DLX5: variants seen among roughly 807,000 people sequenced by gnomAD.
DLX5 encodes the protein homeobox protein DLX-5.
DLX5 carries 8 observed loss-of-function variants against 27.1 expected under a neutral mutation model. That is an observed-to-expected ratio of 0.30 (90% CI 0.17 to 0.53). DLX5 has a LOEUF of 0.53. Ranked by LOEUF, DLX5 falls within the 20% of genes least tolerant of loss-of-function variation. The pLI is 0.95. For missense variants in DLX5, 339 were observed against 375.1 expected, an observed-to-expected ratio of 0.90 and a Z score of 0.80; for synonymous variants, 178 against 161.9, an observed-to-expected ratio of 1.10 and a Z score of -0.75.
intron 1 of DLX5, among the ~76,000 whole-genome samples, chr7:97,023,853 C>T (rs1349720328): frequency 5.6e-5 from 8 of 144,130 alleles, no homozygotes; most frequent in Non-Finnish European, 3.0e-5. Flanking sequence ...GTTTTTGAGG[C>T]AGCCTTCTAT....
intron 1 of DLX5, among the ~76,000 whole-genome samples, chr7:97,023,375 TC>T (rs1790118607): frequency 6.9e-6 from 1 of 145,580 alleles, no homozygotes; most frequent in Non-Finnish European, 1.5e-5. Context: ...TGTGTGTGTG[TC>T]AAGTTCCAGG....
Position 97,020,535 on chromosome 7 carries a change from T to C in DLX5, c.*201A>G, listed in dbSNP as rs950215549. The C allele has an allele frequency of 6.4e-6, 3 of 470,596 alleles. No individual in the cohort carries two copies. The highest frequency in any genetic ancestry group is 3.8e-5 in the Admixed American group (1 of 26,518). The allele number at this position is 470,596 out of a possible 1,614,324, so 29.2% of individuals were successfully genotyped here. The stretch of plus-strand genomic sequence containing the variant: ...ATAGATTTCAAGGCACCATTGAAAG[T>C]GTCCACAGTTGCGCAAAAAAAGTCC... On this transcript the variant is annotated 3_prime_UTR_variant, in exon 3 of 3. Transcript: ENST00000648378.
chr7:97,024,241 C>T lies in DLX5; in HGVS notation c.355+28G>A, dbSNP rs1373904924. 6.3e-7 allele frequency: 1 copy of T among 1,594,122 alleles called. No homozygotes were observed. Among genetic ancestry groups the T allele is most frequent in the Non-Finnish European group, 8.6e-7 (1 of 1,168,732 alleles). On this transcript the variant is annotated intron_variant, in intron 1 of 2. Coordinates refer to ENST00000648378, the MANE Select transcript of DLX5 (RefSeq NM_005221.6). The surrounding 1 kb of genome is among the most constrained non-coding windows in gnomAD (Gnocchi z 4.6). Reference sequence around the variant, plus strand: ...CCCCAGCGTCCTAGTCGCCCTGTATCTGCCCAGCCTTCCCCCTGTCCATGT... The same window carrying T: ...CCCCAGCGTCCTAGTCGCCCTGTATTTGCCCAGCCTTCCCCCTGTCCATGT...
intron 2 of DLX5, among the ~76,000 whole-genome samples, chr7:97,021,460 G>A (rs2115907044): frequency 6.6e-6 from 1 of 152,348 alleles, no homozygotes; most frequent in Admixed American, 6.5e-5. Context: ...GCGGGGAAGG[G>A]GCGTGGGGCG....
rs146762155 is a variant in DLX5 at position 97,020,999 on chromosome 7, G to C, written c.607C>G (p.Pro203Ala). The change falls in exon 3 of 3, where the codon CCG becomes GCG. Residue 203 changes from proline (P) to alanine (A), a missense_variant. Transcript: ENST00000648378. ...TCGCTGGAGCTGGGACTGTGCTCCG[G>C]GGGCATCTCCCCGTTTTTCATGATC... The part of the protein sequence containing the change: ...KKIMKNGEMP[P>A]EHSPSSSDPM... 4 of 1,613,692 alleles carry C rather than the reference G, an allele frequency of 2.5e-6. No individual in the cohort carries two copies. Among genetic ancestry groups the C allele is most frequent in the Non-Finnish European group, 2.5e-6 (3 of 1,179,974 alleles).
rs1790138437 is a variant in DLX5 at position 97,024,340 on chromosome 7, T to C, written c.284A>G (p.Tyr95Cys). ...GSYPAKAYAD[Y>C]SYASSYHQYG... ...CTGGTGGTAGGAGCTAGCGTAGCTA[T>C]AGTCGGCATAAGCTTTGGCTGGGTA... Residue 95 changes from tyrosine to cysteine, a missense_variant, in exon 1 of 3, where the codon TAT becomes TGT. Around this residue, in one of 3 missense-constraint regions of DLX5, gnomAD observed 188 missense variants for 206.1 expected, o/e 0.91. Transcript: ENST00000648378. The surrounding 1 kb of genome is among the most constrained non-coding windows in gnomAD (Gnocchi z 4.6). 1.2e-6 allele frequency: 2 copies of C among 1,614,086 alleles called. No individual in the cohort carries two copies. The highest frequency in any genetic ancestry group is 1.7e-6 in the Non-Finnish European group (2 of 1,180,056).
At position 97,024,740 on chromosome 7, in the gene DLX5, G is replaced by A; in HGVS notation, c.-117C>T. 1 of 891,326 alleles carries A rather than the reference G, an allele frequency of 1.1e-6. No homozygotes were observed. Among genetic ancestry groups the A allele is most frequent in the Non-Finnish European group, 1.7e-6 (1 of 589,296 alleles). 55.2% of individuals were successfully genotyped at this position (891,326 alleles called of 1,614,324 possible). ...TGGCTGTGGGAGCGAGGGAGGAGGA[G>A]GAAGAGGAGGAGGAGAGAAGGAGGA... is the stretch of plus-strand genomic sequence containing the variant. On this transcript the variant is annotated 5_prime_UTR_variant, in exon 1 of 3. Coordinates refer to ENST00000648378, the MANE Select transcript of DLX5 (RefSeq NM_005221.6). This position sits in a 1 kb window ranked among gnomAD's most constrained non-coding sequence, Gnocchi z 4.6.
rs371922223 is a variant in DLX5 at position 97,020,979 on chromosome 7, G to A, written c.627C>T (p.Ser209=). The A allele has an allele frequency of 5.6e-6, 9 of 1,613,872 alleles. No homozygotes were observed. Among genetic ancestry groups the A allele is most frequent in the Non-Finnish European group, 6.8e-6 (8 of 1,180,046 alleles). ...GCGAGTTACACGCCATTGGGTCGCT[G>A]GAGCTGGGACTGTGCTCCGGGGGCA... ...GEMPPEHSPS[S]SDPMACNSPQ... The change falls in exon 3 of 3, where the codon TCC becomes TCT. Residue 209 remains serine (S), a synonymous_variant. Coordinates refer to ENST00000648378, the MANE Select transcript of DLX5 (RefSeq NM_005221.6).
At chr7:97,021,198 G>A (rs1035609849) in intron 2 of DLX5, 133 bp from the exon 3 acceptor site, 84 of 869,672 alleles carry the variant, frequency 9.7e-5, no homozygotes, top group Admixed American at 1.1e-4. Flanking sequence ...CGCCGCTTGC[G>A]GCCTACCGCC....
chr7:97,020,911 G>C lies in DLX5; in HGVS notation c.695C>G (p.Ser232Trp). 1 of 1,614,150 alleles carries C rather than the reference G, an allele frequency of 6.2e-7. No individual in the cohort carries two copies. Among genetic ancestry groups the C allele is most frequent in the South Asian group, 1.1e-5 (1 of 91,072 alleles). ...GTGGGCATGAGGGTGGTGGCTGAGCGAGCGGGACGAGCCCTGGGGCTCCCA... is the reference window on the plus strand; with the variant it reads ...GTGGGCATGAGGGTGGTGGCTGAGCCAGCGGGACGAGCCCTGGGGCTCCCA... ...AVWEPQGSSRSLSHHPHAHPP... is the reference protein window; with the variant it reads ...AVWEPQGSSRWLSHHPHAHPP... The change falls in exon 3 of 3, where the codon TCG becomes TGG. Residue 232 changes from serine to tryptophan, a missense_variant. Ser to Trp is a radical substitution (Grantham distance 177, BLOSUM62 -3). Around this residue, in one of 3 missense-constraint regions of DLX5, gnomAD observed 136 missense variants for 130.3 expected, o/e 1.04. Coordinates refer to ENST00000648378, the MANE Select transcript of DLX5 (RefSeq NM_005221.6).
Position 97,024,605 on chromosome 7 carries a change from T to G in DLX5, c.19A>C (p.Arg7=). 4 of 1,599,632 alleles carry G rather than the reference T, an allele frequency of 2.5e-6. No individual in the cohort carries two copies. The Middle Eastern group carries it at 5.0e-4, about 200-fold the overall frequency. The part of the protein sequence containing the change: MTGVFD[R]RVPSIRSGDF... Reference sequence around the variant, plus strand: ...CCGGATCGGATGCTGGGGACCCTTCTGTCAAACACTCCTGTCATCGCTCAC... The same window carrying G: ...CCGGATCGGATGCTGGGGACCCTTCGGTCAAACACTCCTGTCATCGCTCAC... The change falls in exon 1 of 3, where the codon AGA becomes CGA. Residue 7 remains arginine, a synonymous_variant. Transcript: ENST00000648378. The surrounding 1 kb of genome is among the most constrained non-coding windows in gnomAD (Gnocchi z 4.6).
chr7:97,022,177 G>A lies in DLX5; in HGVS notation c.540+8C>T, dbSNP rs775634016. 4 of 1,614,000 alleles carry A rather than the reference G, an allele frequency of 2.5e-6. No homozygotes were observed. The South Asian group carries it at 4.4e-5, about 18-fold the overall frequency. Reference sequence around the variant, plus strand: ...GGCAGGTCTAGTGCATGGCAGCGCCGTATTTACCTGTGTTTGTGTCAATCC... The same window carrying A: ...GGCAGGTCTAGTGCATGGCAGCGCCATATTTACCTGTGTTTGTGTCAATCC... On this transcript the variant is annotated splice_region_variant and intron_variant, in intron 2 of 2. Coordinates refer to ENST00000648378, the MANE Select transcript of DLX5 (RefSeq NM_005221.6).
At position 97,024,578 on chromosome 7, in the gene DLX5, C is replaced by A. The variant is rs1481565343; in HGVS notation, c.46G>T (p.Asp16Tyr). Residue 16 changes from aspartate (D) to tyrosine (Y), a missense_variant, in exon 1 of 3, where the codon GAC becomes TAC. Physicochemically the swap from Asp to Tyr is radical, Grantham distance 160. This residue lies in a region of DLX5 where 188 missense variants were observed against 206.1 expected (regional missense o/e 0.91). Coordinates refer to ENST00000648378, the MANE Select transcript of DLX5 (RefSeq NM_005221.6). This position sits in a 1 kb window ranked among gnomAD's most constrained non-coding sequence, Gnocchi z 4.6. ...DRRVPSIRSG[D>Y]FQAPFQTSAA... ...GACGTCTGGAACGGAGCTTGGAAGT[C>A]GCCGGATCGGATGCTGGGGACCCTT... 3 of 1,607,568 alleles carry A rather than the reference C, an allele frequency of 1.9e-6. No individual in the cohort carries two copies. In the East Asian group the frequency reaches 6.7e-5, roughly 36 times the overall value.
chr7:97,023,998 C>T (rs913732616), intron 1 of DLX5, among the ~76,000 whole-genome samples: 3 of 152,154 alleles, frequency 2.0e-5, no homozygotes, highest in East Asian at 3.9e-4. Context: ...GCTTCCTGGC[C>T]GGGCAAGCTG....
rs778509260 is a variant in DLX5 at position 97,021,009 on chromosome 7, C to T, written c.597G>A (p.Gly199=). 4 of 1,613,492 alleles carry T rather than the reference C, an allele frequency of 2.5e-6. No homozygotes were observed. The highest frequency in any genetic ancestry group is 2.2e-5 in the South Asian group (2 of 91,032). ...TGGGACTGTGCTCCGGGGGCATCTC[C>T]CCGTTTTTCATGATCTTCTTGATCT... ...RSKIKKIMKN[G]EMPPEHSPSS... is the part of the protein sequence containing the mutation. The change falls in exon 3 of 3, where the codon GGG becomes GGA. Residue 199 remains glycine, a synonymous_variant. Coordinates refer to ENST00000648378, the MANE Select transcript of DLX5 (RefSeq NM_005221.6).
At position 97,020,877 on chromosome 7, in the gene DLX5, G is replaced by C; in HGVS notation, c.729C>G (p.Thr243=). The C allele has an allele frequency of 6.2e-7, 1 of 1,614,194 alleles. No individual in the cohort carries two copies. The highest frequency in any genetic ancestry group is 1.1e-5 in the South Asian group (1 of 91,076). The change falls in exon 3 of 3, where the codon ACC becomes ACG. Residue 243 remains threonine (T), a synonymous_variant. Transcript: ENST00000648378. ...AGCTGGACGCTGGGGACTGGTTGGA[G>C]GTCGGAGGGTGGGCATGAGGGTGGT... The part of the protein sequence containing the change: ...LSHHPHAHPP[T]SNQSPASSYL...
In DLX5 at chr7:97,020,422, A is replaced by C. The variant is rs1299428471; in HGVS notation, c.*314T>G. 1.0e-5 allele frequency: 2 copies of C among 192,820 alleles called. No homozygotes were observed. Among genetic ancestry groups the C allele is most frequent in the Non-Finnish European group, 2.1e-5 (2 of 96,188 alleles). 11.9% of individuals were successfully genotyped at this position (192,820 alleles called of 1,614,324 possible). A position where few individuals can be genotyped will look rare whatever the true frequency, so the allele number is the denominator to read the frequency against. On this transcript the variant is annotated 3_prime_UTR_variant, in exon 3 of 3. Transcript: ENST00000648378. ...TTTCATGGTCGAAATAATTTTATTT[A>C]TCCAGAATATACAGTTTAATTCCTC...
Position 97,020,673 on chromosome 7 carries a change from A to G in DLX5, c.*63T>C. 1 of 1,426,208 alleles carries G rather than the reference A, an allele frequency of 7.0e-7. No individual in the cohort carries two copies. The highest frequency in any genetic ancestry group is 9.3e-7 in the Non-Finnish European group (1 of 1,072,456). 88.3% of individuals were successfully genotyped at this position (1,426,208 alleles called of 1,614,324 possible). On this transcript the variant is annotated 3_prime_UTR_variant, in exon 3 of 3. Coordinates refer to ENST00000648378, the MANE Select transcript of DLX5 (RefSeq NM_005221.6). The stretch of plus-strand genomic sequence containing the variant: ...CTTCCCCATATGAATTCCTTTCTTT[A>G]TGATTTTCTAGAACAGCAAAACACA...
In DLX5 at chr7:97,024,172, G is replaced by T; in HGVS notation, c.355+97C>A. 1.7e-6 allele frequency: 2 copies of T among 1,208,160 alleles called. No homozygotes were observed. The allele number at this position is 1,208,160 out of a possible 1,614,324, so 74.8% of individuals were successfully genotyped here. On this transcript the variant is annotated intron_variant, in intron 1 of 2. Coordinates refer to ENST00000648378, the MANE Select transcript of DLX5 (RefSeq NM_005221.6). This position sits in a 1 kb window ranked among gnomAD's most constrained non-coding sequence, Gnocchi z 4.6. Reference sequence around the variant, plus strand: ...CCCTTCTGCCGCGTGCGCCCCCACTGCCGTGAACCGCTGTGACCCCCAATC... The same window carrying T: ...CCCTTCTGCCGCGTGCGCCCCCACTTCCGTGAACCGCTGTGACCCCCAATC...
Sources: allele counts gnomAD v4.1 joint callset (sites outside exome capture counted in the v4.1 genomes callset), GRCh38; gene constraint gnomAD v4.1.1; regional missense constraint gnomAD v4.1.1; non-coding constraint Gnocchi (gnomAD v3.1); transcripts MANE v1.5; gene names NCBI Gene and HGNC (gene_info 2026-07-23, HGNC 2026-07-21).